Variants in WIPF3 observed in about 807,000 individuals in gnomAD.
WIPF3 encodes the protein WAS/WASL-interacting protein family member 3.
A neutral mutation model predicts 38.9 loss-of-function variants in WIPF3; 33 were observed. The ratio of observed to expected loss-of-function variants is 0.85; its 90% CI spans 0.64 to 1.14. WIPF3 has a LOEUF of 1.14. Among genes scored for constraint, WIPF3 ranks in the 50% most tolerant of loss-of-function variants. WIPF3 has a pLI of 0.00. For synonymous variants in WIPF3, 324 were observed against 269.3 expected, an observed-to-expected ratio of 1.20 and a Z score of -1.99; for missense variants, 711 against 652.5, an observed-to-expected ratio of 1.09 and a Z score of -0.98.
chr7:29,849,626 G>A (rs1009857546), intron 2 of WIPF3, among the ~76,000 whole-genome samples: 1 of 152,164 alleles, frequency 6.6e-6, no homozygotes, highest in Non-Finnish European at 1.5e-5. Flanking sequence ...GGTGGTGAGG[G>A]GGAAGGAGCC....
chr7:29,890,365 AAAAAAAAG>A (rs1435751440), intron 7 of WIPF3, among the ~76,000 whole-genome samples: 29 of 81,928 alleles, frequency 3.5e-4, no homozygotes, highest in Non-Finnish European at 6.4e-4. Flanking sequence ...AAAAAAAAAA[AAAAAAAAG>A]AGAGAGAGAG....
At chr7:29,834,859 C>T (rs1159987728) in intron 2 of WIPF3, 45 bp downstream of exon 2, 1 of 1,500,046 alleles carries the variant, frequency 6.7e-7, no homozygotes, top group Admixed American at 2.1e-5. Flanking sequence ...GCATAAACTG[C>T]TTGAATACAC....
intron 2 of WIPF3, among the ~76,000 whole-genome samples, chr7:29,867,452 A>G (rs1041667717): frequency 2.6e-5 from 4 of 152,116 alleles, no homozygotes; most frequent in Non-Finnish European, 5.9e-5. Context: ...CTTTTTGTCT[A>G]GAAGAAATAG....
intron 1 of WIPF3, among the ~76,000 whole-genome samples, chr7:29,832,813 A>G (rs140632126): frequency 6.6e-6 from 1 of 152,338 alleles, no homozygotes; most frequent in Admixed American, 6.5e-5. Context: ...TGATCCAGCA[A>G]TTCCACTCTT....
chr7:29,807,109 G>C (rs762840987), intron 1 of WIPF3, among the ~76,000 whole-genome samples: 2 of 152,086 alleles, frequency 1.3e-5, no homozygotes, highest in Non-Finnish European at 2.9e-5. Flanking sequence ...CGCTGGGGAG[G>C]GGGCTGTCGC....
chr7:29,809,782 A>G (rs1247109164), intron 1 of WIPF3, among the ~76,000 whole-genome samples: 1 of 152,232 alleles, frequency 6.6e-6, no homozygotes, highest in African/African-American at 2.4e-5. Context: ...AAGGAGGTAA[A>G]CTAAAGCAGA....
chr7:29,826,898 C>G (rs891550505), intron 1 of WIPF3, among the ~76,000 whole-genome samples: 6 of 152,180 alleles, frequency 3.9e-5, no homozygotes, highest in Non-Finnish European at 8.8e-5. Context: ...AGTACCAACT[C>G]CTCCACTAAT....
At chr7:29,810,144 A>G (rs1295036687) in intron 1 of WIPF3, among the ~76,000 whole-genome samples, 1 of 152,210 alleles carries the variant, frequency 6.6e-6, no homozygotes, top group Non-Finnish European at 1.5e-5. Context: ...TAAGAGCTTT[A>G]TATGTAGGAC....
chr7:29,896,439 A>G (rs1447461028), intron 7 of WIPF3, among the ~76,000 whole-genome samples: 1 of 151,978 alleles, frequency 6.6e-6, no homozygotes, highest in African/African-American at 2.4e-5. Flanking sequence ...ACATGGCGAA[A>G]CCCCATCACT....
chr7:29,859,244 C>T (rs1029523872), intron 2 of WIPF3, among the ~76,000 whole-genome samples: 14 of 152,074 alleles, frequency 9.2e-5, no homozygotes, highest in African/African-American at 2.9e-4. Context: ...AGGGAGAAGA[C>T]GGTTGAGCAG....
intron 2 of WIPF3, among the ~76,000 whole-genome samples, chr7:29,874,938 C>T (rs1785559751): frequency 6.6e-6 from 1 of 152,222 alleles, no homozygotes. Context: ...GTGAAAAGCA[C>T]ATGGCCTTTG....
At chr7:29,812,935 G>A (rs185587712) in intron 1 of WIPF3, among the ~76,000 whole-genome samples, 1 of 152,174 alleles carries the variant, frequency 6.6e-6, no homozygotes, top group Non-Finnish European at 1.5e-5. Flanking sequence ...TTCCTAAATC[G>A]CTATTGTCAG....
intron 8 of WIPF3, chr7:29,905,641 C>T (rs1419954827): frequency 6.6e-6 from 1 of 152,114 alleles, no homozygotes; most frequent in Non-Finnish European, 1.5e-5. Context: ...AAAAAAAACC[C>T]TGTCCTCCAG....
chr7:29,821,294 AATTG>A (rs1452851441), intron 1 of WIPF3, among the ~76,000 whole-genome samples: 1 of 151,918 alleles, frequency 6.6e-6, no homozygotes, highest in Non-Finnish European at 1.5e-5. Context: ...TTTATTAATA[AATTG>A]ATTTATTTAT....
chr7:29,899,786 G>T (rs1478027958), intron 7 of WIPF3, among the ~76,000 whole-genome samples: 2 of 151,084 alleles, frequency 1.3e-5, no homozygotes, highest in Non-Finnish European at 3.0e-5. Context: ...ACCAAAAAAT[G>T]TATACAAAAA....
chr7:29,883,997 G>T lies in WIPF3; in HGVS notation c.503G>T (p.Arg168Leu). ...AHGAARTAPP[R>L]PNVPAPPPPT... ...GGCGCTGCCAGGACAGCCCCGCCTC[G>T]CCCCAACGTGCCTGCCCCGCCCCCT... Residue 168 changes from arginine to leucine, a missense_variant, in exon 5 of 9, where the codon CGC becomes CTC. Arg to Leu is a moderately radical substitution (Grantham distance 102). Transcript: ENST00000242140. 2 of 1,505,150 alleles carry T rather than the reference G, an allele frequency of 1.3e-6. No individual in the cohort carries two copies. The highest frequency in any genetic ancestry group is 2.6e-5 in the East Asian group (1 of 38,690). 93.2% of individuals were successfully genotyped at this position (1,505,150 alleles called of 1,614,324 possible). A position where few individuals can be genotyped will look rare whatever the true frequency, so the allele number is the denominator to read the frequency against.
intron 2 of WIPF3, 144 bp from the exon 3 acceptor site, chr7:29,875,686 G>A: frequency 9.2e-7 from 1 of 1,083,098 alleles, no homozygotes; most frequent in Non-Finnish European, 1.3e-6. Flanking sequence ...ACCCAAAAGT[G>A]TCTCTCCCAT....
At chr7:29,826,695 A>T (rs888898880) in intron 1 of WIPF3, among the ~76,000 whole-genome samples, 1 of 152,164 alleles carries the variant, frequency 6.6e-6, no homozygotes, top group Non-Finnish European at 1.5e-5. Flanking sequence ...TCCATTTATG[A>T]TAATAAAGTT....
intron 8 of WIPF3, chr7:29,906,096 C>T (rs1467552946): frequency 6.6e-6 from 1 of 152,088 alleles, no homozygotes; most frequent in African/African-American, 2.4e-5. Flanking sequence ...AGAGTTACCA[C>T]ATTATTAGAT....
Sources: gnomAD v4.1 joint callset for allele counts (sites outside exome capture counted in the v4.1 genomes callset) on GRCh38, gnomAD v4.1.1 for gene constraint, MANE v1.5 for transcripts, NCBI Gene and HGNC (gene_info 2026-07-23, HGNC 2026-07-21) for gene names.